The following RAPGEF1 variants were observed in gnomAD, a reference collection of about 807,000 sequenced individuals.
RAPGEF1 encodes Rap guanine nucleotide exchange factor 1.
In RAPGEF1, 33 loss-of-function variants were observed where a neutral mutation model predicts 143.3. The observed-to-expected ratio is 0.23, with a 90% CI of 0.17 to 0.31. The LOEUF is 0.31. Among genes scored for constraint, RAPGEF1 ranks in the 10% least tolerant of loss-of-function variants. The probability of loss-of-function intolerance (pLI) is 1.00; values close to 1 mark genes in which losing one functional copy is unlikely to be tolerated. For synonymous variants in RAPGEF1, 629 were observed against 676.5 expected (o/e 0.93, Z 1.09); for missense variants, 1,199 against 1,645.4 (o/e 0.73, Z 4.69).
chr9:131,719,761 G>A (rs1489611726), intron 1 of RAPGEF1, among the ~76,000 whole-genome samples: 4 of 151,734 alleles, frequency 2.6e-5, no homozygotes, highest in Non-Finnish European at 4.4e-5. Flanking sequence ...AAGACACAGA[G>A]CTTTTCTTTG....
At chr9:131,586,740 ACCTGCAGAGCGAGACTCCGTCT>A (rs1952991638) in intron 22 of RAPGEF1, among the ~76,000 whole-genome samples, 1 of 123,360 alleles carries the variant, frequency 8.1e-6, no homozygotes, top group Non-Finnish European at 1.7e-5. Context: ...TCACACACAC[ACCTGCAGAGCGAGACTCCGTCT>A]CACACACACA....
chr9:131,684,808 C>G (rs1286553109), intron 1 of RAPGEF1, among the ~76,000 whole-genome samples: 4 of 152,206 alleles, frequency 2.6e-5, no homozygotes, highest in African/African-American at 9.7e-5. Flanking sequence ...CACCTGAAAC[C>G]TTATCATGAG....
intron 1 of RAPGEF1, among the ~76,000 whole-genome samples, chr9:131,730,193 CAAAAAAAAAAAAAAAAAAAAA>C (rs57402366): frequency 1.5e-5 from 1 of 66,980 alleles, no homozygotes; most frequent in African/African-American, 6.4e-5. Flanking sequence ...GACTCCCTCT[CAAAAAAAAAAAAAAAAAAAAA>C]AAGAAACAAA....
At chr9:131,585,784 G>C (rs1001095210) in intron 22 of RAPGEF1, among the ~76,000 whole-genome samples, 2 of 152,228 alleles carry the variant, frequency 1.3e-5, no homozygotes, top group East Asian at 3.9e-4. Flanking sequence ...GAGCTCTAGG[G>C]GGTCCTGCCT....
chr9:131,582,749 TG>T, intron 24 of RAPGEF1, 47 bp from the exon 25 acceptor site: 1 of 1,488,004 alleles, frequency 6.7e-7, no homozygotes, highest in Non-Finnish European at 9.0e-7. Context: ...GAGCGAGTGC[TG>T]GGGCAATGCT....
At position 131,643,233 on chromosome 9, in the gene RAPGEF1, A is replaced by G. The variant is rs1968577449; in HGVS notation, c.494+6T>C. 2 of 1,607,964 alleles carry G rather than the reference A, an allele frequency of 1.2e-6. No individual in the cohort carries two copies. Among genetic ancestry groups the G allele is most frequent in the Non-Finnish European group, 1.7e-6 (2 of 1,177,902 alleles). On this transcript the variant is annotated splice_donor_region_variant and intron_variant, in intron 4 of 26. Transcript: ENST00000683357. ...TGACACAGCCAAAGACTTCAGAGCC[A>G]CTCACCTGTGCTGAATTCGAGGATC...
chr9:131,667,063 C>T lies in RAPGEF1; in HGVS notation c.62-16114G>A, dbSNP rs1830555468. Among the ~76,000 whole-genome samples, 1 of 152,140 alleles carries T rather than the reference C, an allele frequency of 6.6e-6. No individual in the cohort carries two copies. The highest frequency in any genetic ancestry group is 1.5e-5 in the Non-Finnish European group (1 of 68,030). On this transcript the variant is annotated intron_variant, in intron 1 of 26. Transcript: ENST00000683357. This position sits in a 1 kb window ranked among gnomAD's most constrained non-coding sequence, Gnocchi z 4.6. ...GGAGTGCAGTGGCACGAACTCGGCT[C>T]ACTGCCATCTCCATCTCACGGGTTC...
chr9:131,590,472 C>T (rs563447795), intron 18 of RAPGEF1, among the ~76,000 whole-genome samples: 3 of 152,312 alleles, frequency 2.0e-5, no homozygotes, highest in South Asian at 2.1e-4. Flanking sequence ...TCCGTGACAC[C>T]GGGCCGGGTC....
In RAPGEF1 at chr9:131,629,205, T is replaced by C; in HGVS notation, c.790A>G (p.Thr264Ala). The change falls in exon 7 of 27, where the codon ACG (threonine) becomes GCG (alanine). Residue 264 changes from threonine to alanine, a missense_variant. Around this residue, in one of 6 missense-constraint regions of RAPGEF1, gnomAD observed 613 missense variants for 710.9 expected, o/e 0.86. Coordinates refer to ENST00000683357, the MANE Select transcript of RAPGEF1 (RefSeq NM_001377935.1). Reference sequence around the variant, plus strand: ...TCAGTTGACTGTGACATCCCAGTCGTCTTGTTTAGGATCTCTACCTCGCGG... The same window carrying C: ...TCAGTTGACTGTGACATCCCAGTCGCCTTGTTTAGGATCTCTACCTCGCGG... ...TDREVEILNK[T>A]TGMSQSTELL... is the part of the protein sequence containing the mutation. 6.2e-7 allele frequency: 1 copy of C among 1,613,934 alleles called. No homozygotes were observed. The highest frequency in any genetic ancestry group is 8.5e-7 in the Non-Finnish European group (1 of 1,179,834).
In RAPGEF1 at chr9:131,650,679, C is replaced by T. The variant is rs1970852988; in HGVS notation, c.201+131G>A. 8 of 1,345,168 alleles carry T rather than the reference C, an allele frequency of 5.9e-6. No homozygotes were observed. The highest frequency in any genetic ancestry group is 5.7e-5 in the South Asian group (4 of 70,514). 83.3% of individuals were successfully genotyped at this position (1,345,168 alleles called of 1,614,324 possible). A position where few individuals can be genotyped will look rare whatever the true frequency, so the allele number is the denominator to read the frequency against. On this transcript the variant is annotated intron_variant, in intron 2 of 26. Transcript: ENST00000683357. The surrounding 1 kb of genome is among the most constrained non-coding windows in gnomAD (Gnocchi z 4.7). ...TATTTTACAAGGACACCAAAGGTCC[C>T]GCCCATGGAATGCTACGAAGTAGGT...
chr9:131,583,687 C>T lies in RAPGEF1; in HGVS notation c.3414+624G>A, dbSNP rs1366765598. Among the ~76,000 whole-genome samples, 1 of 152,216 alleles carries T rather than the reference C, an allele frequency of 6.6e-6. No individual in the cohort carries two copies. The highest frequency in any genetic ancestry group is 6.5e-5 in the Admixed American group (1 of 15,288). On this transcript the variant is annotated intron_variant, in intron 24 of 26. Coordinates refer to ENST00000683357, the MANE Select transcript of RAPGEF1 (RefSeq NM_001377935.1). The surrounding 1 kb of genome is among the most constrained non-coding windows in gnomAD (Gnocchi z 4.7). ...AAAGGTCCAACTCCTCACCAGGCTC[C>T]TGAGGCTCTCATGACCTAGAACTGG...
At chr9:131,701,528 T>A (rs539695009) in intron 1 of RAPGEF1, among the ~76,000 whole-genome samples, 1 of 152,364 alleles carries the variant, frequency 6.6e-6, no homozygotes, top group South Asian at 2.1e-4. Flanking sequence ...GCCACTGGCA[T>A]TATTGTAATA....
At chr9:131,698,151 A>C (rs1834333898) in intron 1 of RAPGEF1, among the ~76,000 whole-genome samples, 1 of 152,190 alleles carries the variant, frequency 6.6e-6, no homozygotes, top group African/African-American at 2.4e-5. Context: ...CGCACAGTAA[A>C]CATGCAAGCC....
chr9:131,590,096 G>A (rs1953948278), intron 18 of RAPGEF1, 118 bp from the exon 19 acceptor site: 3 of 886,762 alleles, frequency 3.4e-6, no homozygotes, highest in Admixed American at 3.7e-5. Context: ...TGCATGTAAA[G>A]CACTGGCATC....
chr9:131,599,437 T>C (rs1408109527), intron 15 of RAPGEF1, among the ~76,000 whole-genome samples: 388 of 148,758 alleles, frequency 2.6e-3, no homozygotes, highest in Admixed American at 4.8e-3. Flanking sequence ...TTTTTTTTTT[T>C]TGAGACAGAA....
At chr9:131,597,550 T>TTTATGAAGCCGCTC (rs1307400816) in intron 16 of RAPGEF1, among the ~76,000 whole-genome samples, 2 of 152,184 alleles carry the variant, frequency 1.3e-5, no homozygotes, top group Non-Finnish European at 2.9e-5. Flanking sequence ...CCAAGGCTGC[T>TTTATGAAGCCGCTC]TTATGAAGCC....
chr9:131,706,396 G>A (rs752150027), intron 1 of RAPGEF1, among the ~76,000 whole-genome samples: 5 of 152,060 alleles, frequency 3.3e-5, no homozygotes, highest in Non-Finnish European at 5.9e-5. Context: ...CTGAGTAGCT[G>A]GGACTACTTG....
At chr9:131,610,011 C>T (rs1957782315) in intron 12 of RAPGEF1, among the ~76,000 whole-genome samples, 1 of 152,206 alleles carries the variant, frequency 6.6e-6, no homozygotes. Context: ...ATTCTCCTGC[C>T]TCAGCCTCTC....
chr9:131,693,498 A>C (rs1406688805), intron 1 of RAPGEF1, among the ~76,000 whole-genome samples: 1 of 152,164 alleles, frequency 6.6e-6, no homozygotes, highest in Non-Finnish European at 1.5e-5. Context: ...TGTAGCTGGC[A>C]TGATAAGAAA....
Sources: gnomAD v4.1 joint callset for allele counts (sites outside exome capture counted in the v4.1 genomes callset) on GRCh38, gnomAD v4.1.1 for gene constraint, gnomAD v4.1.1 regional missense constraint, Gnocchi (gnomAD v3.1) non-coding constraint, MANE v1.5 for transcripts, NCBI Gene and HGNC (gene_info 2026-07-23, HGNC 2026-07-21) for gene names.